STX17: variants seen among roughly 807,000 people sequenced by gnomAD.
STX17 encodes the protein syntaxin 17.
Under a neutral mutation model 35.9 loss-of-function variants are expected in STX17, and 29 were observed. The ratio of observed to expected loss-of-function variants is 0.81; its 90% CI spans 0.60 to 1.10. The LOEUF is 1.10. Ranked by LOEUF, STX17 falls within the 50% of genes least tolerant of loss-of-function variation. STX17 has a pLI of 0.00. For missense variants in STX17, 312 were observed against 352.3 expected, an observed-to-expected ratio of 0.89 and a Z score of 0.92; for synonymous variants, 92 against 118.3, an observed-to-expected ratio of 0.78 and a Z score of 1.44.
chr9:99,965,709 A>G (rs1186161508), intron 6 of STX17, among the ~76,000 whole-genome samples: 1 of 152,230 alleles, frequency 6.6e-6, no homozygotes, highest in Admixed American at 6.5e-5. Flanking sequence ...GAATGATTGA[A>G]TGAATGCTAA....
At chr9:99,938,261 C>T (rs1339504759) in intron 3 of STX17, among the ~76,000 whole-genome samples, 1 of 152,182 alleles carries the variant, frequency 6.6e-6, no homozygotes, top group African/African-American at 2.4e-5. Context: ...GTGCTGCACT[C>T]TCCTCTCCAG....
intron 3 of STX17, among the ~76,000 whole-genome samples, chr9:99,949,311 C>A (rs1334472514): frequency 6.6e-6 from 1 of 151,978 alleles, no homozygotes; most frequent in Non-Finnish European, 1.5e-5. Context: ...GATAGAGGCA[C>A]AATTTTTTCA....
At chr9:99,934,922 T>A (rs1829199441) in intron 3 of STX17, among the ~76,000 whole-genome samples, 1 of 152,176 alleles carries the variant, frequency 6.6e-6, no homozygotes, top group Non-Finnish European at 1.5e-5. Context: ...GAATTTTTTT[T>A]AATCTTTAGA....
At chr9:99,914,452 T>C (rs188706701) in intron 1 of STX17, among the ~76,000 whole-genome samples, 133 of 152,222 alleles carry the variant, frequency 8.7e-4, no homozygotes, top group African/African-American at 3.0e-3. Context: ...TGGCCCCAAA[T>C]GCATACCCTT....
At chr9:99,938,508 G>C (rs1411357081) in intron 3 of STX17, among the ~76,000 whole-genome samples, 2 of 152,210 alleles carry the variant, frequency 1.3e-5, no homozygotes, top group South Asian at 4.1e-4. Context: ...ATAAAGGCCA[G>C]GCGCAGTGGC....
In STX17 at chr9:99,971,750, G is replaced by T. The variant is rs1211227746; in HGVS notation, c.*3077G>T. Among the ~76,000 whole-genome samples, 1 of 152,234 alleles carries T rather than the reference G, an allele frequency of 6.6e-6. No individual in the cohort carries two copies. Among genetic ancestry groups the T allele is most frequent in the Non-Finnish European group, 1.5e-5 (1 of 68,042 alleles). On this transcript the variant is annotated 3_prime_UTR_variant, in exon 8 of 8. Transcript: ENST00000259400. Reference sequence around the variant, plus strand: ...AAAATTGAGATGGGGGTTGGGGGCAGGGGCTCATGCCTGCAATCCCAGCAC... The same window carrying T: ...AAAATTGAGATGGGGGTTGGGGGCATGGGCTCATGCCTGCAATCCCAGCAC...
intron 6 of STX17, among the ~76,000 whole-genome samples, chr9:99,966,473 G>A (rs1829911913): frequency 6.6e-6 from 1 of 152,160 alleles, no homozygotes; most frequent in African/African-American, 2.4e-5. Flanking sequence ...AGTGTTGTAT[G>A]TGTCTGCCTC....
At chr9:99,920,341 C>T (rs1418626398) in intron 2 of STX17, among the ~76,000 whole-genome samples, 1 of 152,122 alleles carries the variant, frequency 6.6e-6, no homozygotes, top group Non-Finnish European at 1.5e-5. Flanking sequence ...TGTGTGTCTT[C>T]CTGTTGTATC....
At chr9:99,948,334 A>G (rs2118469734) in intron 3 of STX17, among the ~76,000 whole-genome samples, 1 of 152,268 alleles carries the variant, frequency 6.6e-6, no homozygotes, top group East Asian at 1.9e-4. Context: ...ATTAGGTTAA[A>G]TAAAATATTA....
intron 2 of STX17, among the ~76,000 whole-genome samples, chr9:99,920,049 C>T (rs1828858925): frequency 6.6e-6 from 1 of 152,154 alleles, no homozygotes; most frequent in African/African-American, 2.4e-5. Flanking sequence ...TTCCCAACCT[C>T]GTTCCTTTTT....
At chr9:99,915,962 C>A (rs1381917453) in intron 2 of STX17, 1 of 446,170 alleles carries the variant, frequency 2.2e-6, no homozygotes, top group Non-Finnish European at 4.5e-6. Flanking sequence ...AGAACTTTGG[C>A]TAATGTACCT....
intron 6 of STX17, among the ~76,000 whole-genome samples, chr9:99,963,434 T>C (rs1829863344): frequency 6.6e-6 from 1 of 152,216 alleles, no homozygotes. Flanking sequence ...AGTTTTACTC[T>C]GGAAACATAA....
At chr9:99,946,504 C>T (rs1308891092) in intron 3 of STX17, among the ~76,000 whole-genome samples, 1 of 152,170 alleles carries the variant, frequency 6.6e-6, no homozygotes, top group Non-Finnish European at 1.5e-5. Context: ...ACACCACAGA[C>T]ATTAGTATTA....
At chr9:99,958,957 T>G (rs951778857) in intron 4 of STX17, among the ~76,000 whole-genome samples, 2 of 152,292 alleles carry the variant, frequency 1.3e-5, no homozygotes, top group Admixed American at 1.3e-4. Flanking sequence ...AAGACACATA[T>G]GGTAATGTTT....
rs957018377 is a variant in STX17, at chr9:99,973,709, C to G, written c.*5036C>G. 3.3e-5 allele frequency among the ~76,000 whole-genome samples: 5 copies of G among 152,182 alleles called. No homozygotes were observed. Among genetic ancestry groups the G allele is most frequent in the Non-Finnish European group, 5.9e-5 (4 of 68,014 alleles). On this transcript the variant is annotated 3_prime_UTR_variant, in exon 8 of 8. Transcript: ENST00000259400. ...TTGATCTTCCCCCAACTTTAAGTGA[C>G]TCAGTTCCTTATATCACTGCCACAA...
chr9:99,955,045 C>G (rs962353037), intron 4 of STX17, among the ~76,000 whole-genome samples: 1 of 151,952 alleles, frequency 6.6e-6, no homozygotes, highest in Admixed American at 6.6e-5. Flanking sequence ...TGCTTTCCAC[C>G]AAGTGAAGTG....
chr9:99,932,958 G>A (rs1295087829), intron 3 of STX17, among the ~76,000 whole-genome samples: 1 of 152,110 alleles, frequency 6.6e-6, no homozygotes, highest in African/African-American at 2.4e-5. Context: ...TAATTTAAAT[G>A]TAGTTTAAAT....
intron 3 of STX17, chr9:99,945,790 G>C: frequency 2.7e-6 from 1 of 373,278 alleles, no homozygotes; most frequent in Non-Finnish European, 5.3e-6. Context: ...TTTTTTAAAT[G>C]GACAGTTGCG....
At chr9:99,924,164 G>A (rs1352935774) in intron 2 of STX17, among the ~76,000 whole-genome samples, 1 of 152,172 alleles carries the variant, frequency 6.6e-6, no homozygotes, top group Non-Finnish European at 1.5e-5. Flanking sequence ...TTCCTCCAGG[G>A]TATGGGGCAG....
Sources: allele counts gnomAD v4.1 joint callset (sites outside exome capture counted in the v4.1 genomes callset), GRCh38; gene constraint gnomAD v4.1.1; transcripts MANE v1.5; gene names NCBI Gene and HGNC (gene_info 2026-07-23, HGNC 2026-07-21).